Variants in ARHGAP15 observed in about 807,000 individuals in gnomAD.
ARHGAP15 encodes the protein Rho GTPase activating protein 15, also known as rho GTPase-activating protein 15.
Under a neutral mutation model 63.7 loss-of-function variants are expected in ARHGAP15, and 51 were observed. The observed-to-expected ratio is 0.80, with a 90% confidence interval of 0.64 to 1.01. The LOEUF (loss-of-function observed/expected upper bound fraction) is 1.01, where lower values mean the gene tolerates loss of function less well. Ranked by LOEUF, ARHGAP15 falls within the 50% of genes least tolerant of loss-of-function variation. The pLI, the probability that ARHGAP15 is intolerant of heterozygous loss-of-function variation, is 0.00. For missense variants in ARHGAP15, 560 were observed against 564.6 expected, an observed-to-expected ratio of 0.99 and a Z score of 0.08; for synonymous variants, 191 against 193.8, an observed-to-expected ratio of 0.99 and a Z score of 0.12.
intron 1 of ARHGAP15, among the ~76,000 whole-genome samples, chr2:143,132,299 T>C (rs1201919257): frequency 6.6e-6 from 1 of 152,322 alleles, no homozygotes; most frequent in East Asian, 1.9e-4. Flanking sequence ...TTCTTTTATG[T>C]GTGAAAAGTC....
intron 12 of ARHGAP15, among the ~76,000 whole-genome samples, chr2:143,689,771 C>T (rs1683510816): frequency 6.6e-6 from 1 of 152,134 alleles, no homozygotes; most frequent in Non-Finnish European, 1.5e-5. Flanking sequence ...AGAATTTTGC[C>T]AGTCTCCACC....
chr2:143,318,636 C>T (rs572610033), intron 6 of ARHGAP15, among the ~76,000 whole-genome samples: 1 of 144,158 alleles, frequency 6.9e-6, no homozygotes, highest in South Asian at 2.3e-4. Flanking sequence ...TTTTAATCTT[C>T]ATTGCTTCCT....
chr2:143,177,380 T>C (rs1290277253), intron 2 of ARHGAP15, among the ~76,000 whole-genome samples: 1 of 152,198 alleles, frequency 6.6e-6, no homozygotes, highest in Non-Finnish European at 1.5e-5. Context: ...ACAGTACTCG[T>C]CAGAAACATA....
chr2:143,334,048 A>T (rs1388019506), intron 6 of ARHGAP15, among the ~76,000 whole-genome samples: 1 of 152,198 alleles, frequency 6.6e-6, no homozygotes, highest in Non-Finnish European at 1.5e-5. Context: ...TTTTAAGGTG[A>T]CACCCTAAGT....
intron 3 of ARHGAP15, among the ~76,000 whole-genome samples, chr2:143,207,243 A>C (rs1391738575): frequency 6.6e-6 from 1 of 151,850 alleles, no homozygotes; most frequent in Non-Finnish European, 1.5e-5. Flanking sequence ...AATAAATGAA[A>C]CTCACTTTGA....
chr2:143,286,545 A>G (rs1035144919), intron 6 of ARHGAP15, among the ~76,000 whole-genome samples: 44 of 152,226 alleles, frequency 2.9e-4, no homozygotes, highest in African/African-American at 9.4e-4. Flanking sequence ...GTGCTCACCC[A>G]TATGTATACA....
chr2:143,520,049 A>C (rs888153457), intron 10 of ARHGAP15, among the ~76,000 whole-genome samples: 3 of 152,190 alleles, frequency 2.0e-5, no homozygotes, highest in Non-Finnish European at 2.9e-5. Flanking sequence ...AGATACATAT[A>C]GTAGATGCAG....
intron 12 of ARHGAP15, among the ~76,000 whole-genome samples, chr2:143,649,590 T>A (rs775425419): frequency 6.6e-6 from 1 of 151,974 alleles, no homozygotes; most frequent in Non-Finnish European, 1.5e-5. Flanking sequence ...CATCATCTGT[T>A]ATTGCTTGTC....
intron 6 of ARHGAP15, among the ~76,000 whole-genome samples, chr2:143,288,292 G>C (rs1167566764): frequency 6.6e-6 from 1 of 152,006 alleles, no homozygotes; most frequent in Non-Finnish European, 1.5e-5. Context: ...TTTTCCCCTT[G>C]GAGTCACGTA....
intron 6 of ARHGAP15, among the ~76,000 whole-genome samples, chr2:143,407,471 A>C (rs1027562996): frequency 1.3e-5 from 2 of 151,860 alleles, no homozygotes; most frequent in African/African-American, 4.8e-5. Flanking sequence ...AATATCATTC[A>C]CTGAATGAAT....
At chr2:143,141,990 A>C (rs2104990113) in intron 1 of ARHGAP15, among the ~76,000 whole-genome samples, 1 of 152,200 alleles carries the variant, frequency 6.6e-6, no homozygotes, top group African/African-American at 2.4e-5. Flanking sequence ...AGGATGTAGA[A>C]GCTGTCCACC....
intron 6 of ARHGAP15, among the ~76,000 whole-genome samples, chr2:143,408,354 T>C (rs1225680667): frequency 6.6e-6 from 1 of 151,352 alleles, no homozygotes; most frequent in African/African-American, 2.4e-5. Flanking sequence ...TTGTGCGCTT[T>C]TCTATATCTG....
chr2:143,517,992 T>C (rs1693894380), intron 9 of ARHGAP15, among the ~76,000 whole-genome samples: 1 of 152,218 alleles, frequency 6.6e-6, no homozygotes, highest in African/African-American at 2.4e-5. Flanking sequence ...GGGACTTTGA[T>C]TTCATTCTGA....
intron 12 of ARHGAP15, among the ~76,000 whole-genome samples, chr2:143,685,846 T>C (rs952583116): frequency 1.3e-5 from 2 of 152,134 alleles, no homozygotes; most frequent in African/African-American, 4.8e-5. Flanking sequence ...GCCTGAAATT[T>C]GGTAGTGGTT....
intron 13 of ARHGAP15, among the ~76,000 whole-genome samples, chr2:143,755,278 G>T (rs897361622): frequency 9.3e-5 from 14 of 150,516 alleles, no homozygotes; most frequent in East Asian, 5.9e-4. Context: ...CATATATGGG[G>T]GGGGGGGATC....
intron 11 of ARHGAP15, among the ~76,000 whole-genome samples, chr2:143,616,321 T>C (rs1344798823): frequency 6.6e-6 from 1 of 152,206 alleles, no homozygotes; most frequent in African/African-American, 2.4e-5. Context: ...ATTCTTTACA[T>C]TCAAATGAAA....
At chr2:143,285,535 C>A (rs1019702126) in intron 6 of ARHGAP15, among the ~76,000 whole-genome samples, 6 of 152,138 alleles carry the variant, frequency 3.9e-5, no homozygotes, top group African/African-American at 9.6e-5. Flanking sequence ...AAAATGCATT[C>A]TATGAACTAC....
chr2:143,401,071 C>T (rs1007551948), intron 6 of ARHGAP15, among the ~76,000 whole-genome samples: 1 of 151,866 alleles, frequency 6.6e-6, no homozygotes, highest in Non-Finnish European at 1.5e-5. Context: ...CCAGTGTTCA[C>T]AGTTTAAGAT....
In ARHGAP15 at chr2:143,641,139, A is replaced by G. The variant is rs1292393858; in HGVS notation, c.1138+16872A>G. On this transcript the variant is annotated intron_variant, in intron 12 of 13. Transcript: ENST00000295095. ...ACTCACTTTTGACATAAGAGGGTCC[A>G]TTACTGTATTTATGAACCTCTTGGC... 3 of 152,164 alleles carry G rather than the reference A, an allele frequency of 2.0e-5. No individual in the cohort carries two copies. In the East Asian group the frequency reaches 5.8e-4, roughly 29 times the overall value. 9.4% of individuals were successfully genotyped at this position (152,164 alleles called of 1,614,324 possible). A position where few individuals can be genotyped will look rare whatever the true frequency, so the allele number is the denominator to read the frequency against.
Sources: allele counts gnomAD v4.1 joint callset (sites outside exome capture counted in the v4.1 genomes callset), GRCh38; gene constraint gnomAD v4.1.1; transcripts MANE v1.5; gene names NCBI Gene and HGNC (gene_info 2026-07-23, HGNC 2026-07-21).